COL13A1: variants seen among roughly 807,000 people sequenced by gnomAD.
The protein encoded by COL13A1 is collagen type XIII alpha 1 chain.
COL13A1 carries 89 observed loss-of-function variants against 130.9 expected under a neutral mutation model. That is an observed-to-expected ratio of 0.68 (90% CI 0.57 to 0.81). The LOEUF (loss-of-function observed/expected upper bound fraction) is 0.81, where lower values mean the gene tolerates loss of function less well. Ranked by LOEUF, COL13A1 falls within the 30% of genes least tolerant of loss-of-function variation. The probability of loss-of-function intolerance (pLI) is 0.00; values close to 1 mark genes in which losing one functional copy is unlikely to be tolerated. For missense variants in COL13A1, 879 were observed against 934.6 expected (o/e 0.94, Z 0.78); for synonymous variants, 402 against 341.6 (o/e 1.18, Z -1.95).
intron 1 of COL13A1, among the ~76,000 whole-genome samples, chr10:69,816,727 G>A (rs770570682): frequency 6.6e-6 from 1 of 152,144 alleles, no homozygotes; most frequent in African/African-American, 2.4e-5. Context: ...GAGGAAGAAG[G>A]GGGGTGAGCA....
intron 38 of COL13A1, among the ~76,000 whole-genome samples, chr10:69,951,464 A>C (rs2069553873): frequency 6.6e-6 from 1 of 152,096 alleles, no homozygotes; most frequent in Admixed American, 6.6e-5. Flanking sequence ...TCCTTGGCTC[A>C]AGTGATCTTT....
intron 27 of COL13A1, among the ~76,000 whole-genome samples, chr10:69,927,914 C>T (rs1436112567): frequency 1.3e-5 from 2 of 152,204 alleles, no homozygotes; most frequent in Admixed American, 6.5e-5. Flanking sequence ...AATCCCAGCA[C>T]TTTGAGACAC....
chr10:69,849,384 T>C (rs1172480442), intron 2 of COL13A1, among the ~76,000 whole-genome samples: 5 of 152,202 alleles, frequency 3.3e-5, no homozygotes, highest in Non-Finnish European at 7.4e-5. Flanking sequence ...CCCTGATCAC[T>C]TCCCACTGCC....
At chr10:69,933,849 C>A (rs3858162) in intron 31 of COL13A1, among the ~76,000 whole-genome samples, 1 of 152,130 alleles carries the variant, frequency 6.6e-6, no homozygotes, top group Admixed American at 6.5e-5. Flanking sequence ...GCACTTCCCT[C>A]GTGCCAAGCA....
chr10:69,947,249 T>C, intron 37 of COL13A1, 58 bp from the exon 38 acceptor site: 1 of 1,516,032 alleles, frequency 6.6e-7, no homozygotes, highest in Non-Finnish European at 9.2e-7. Flanking sequence ...AAGAAAGCAC[T>C]GTACAGCTGG....
intron 38 of COL13A1, among the ~76,000 whole-genome samples, chr10:69,948,289 T>C (rs1178298441): frequency 6.6e-6 from 1 of 152,216 alleles, no homozygotes. Context: ...ACCATGTTCA[T>C]GCACAGAAAG....
chr10:69,925,119 C>T, intron 25 of COL13A1, 112 bp downstream of exon 25: 1 of 1,120,300 alleles, frequency 8.9e-7, no homozygotes, highest in Non-Finnish European at 1.2e-6. Flanking sequence ...AGGTTAAGGG[C>T]ACGTGCCCAA....
intron 4 of COL13A1, among the ~76,000 whole-genome samples, chr10:69,872,752 G>A (rs547921853): frequency 8.5e-5 from 13 of 152,228 alleles, no homozygotes; most frequent in Non-Finnish European, 1.9e-4. Flanking sequence ...GCCAGGTACT[G>A]CATTTATCAT....
At position 69,888,329 on chromosome 10, in the gene COL13A1, C is replaced by T. The variant is rs775323799; in HGVS notation, c.575C>T (p.Pro192Leu). Residue 192 changes from proline (P) to leucine (L), a missense_variant and splice_region_variant, in exon 9 of 41, where the codon CCG becomes CTG. Pro to Leu is a moderately conservative substitution (Grantham distance 98). Around this residue, in one of 3 missense-constraint regions of COL13A1, gnomAD observed 715 missense variants for 721.0 expected, o/e 0.99. Transcript: ENST00000645393. ...FPGPIGLDGK[P>L]GHPGPKGDMG... ...GGTCCCATTGGGCTGGACGGCAAACCGGTAAGTGGACCCGCTCTCTCCCCT... is the reference window on the plus strand; with the variant it reads ...GGTCCCATTGGGCTGGACGGCAAACTGGTAAGTGGACCCGCTCTCTCCCCT... 2.2e-5 allele frequency: 36 copies of T among 1,612,586 alleles called. No homozygotes were observed. The highest frequency in any genetic ancestry group is 3.0e-5 in the Non-Finnish European group (35 of 1,179,392).
At chr10:69,953,828 T>G (rs2070094038) in intron 39 of COL13A1, 1 of 152,786 alleles carries the variant, frequency 6.5e-6, no homozygotes, top group Non-Finnish European at 1.5e-5. Context: ...ATTTAGCCCC[T>G]GTTTGTAGAT....
intron 1 of COL13A1, among the ~76,000 whole-genome samples, chr10:69,803,386 A>G (rs937471607): frequency 6.6e-6 from 1 of 152,226 alleles, no homozygotes; most frequent in Non-Finnish European, 1.5e-5. Context: ...AAGTAGATTA[A>G]ACACTACTAG....
chr10:69,920,972 A>T (rs1031653807), intron 21 of COL13A1, among the ~76,000 whole-genome samples: 2 of 152,182 alleles, frequency 1.3e-5, no homozygotes, highest in East Asian at 3.9e-4. Flanking sequence ...GTCATGGGGG[A>T]AAAAGAGTTC....
At chr10:69,940,930 T>C (rs994523060) in intron 34 of COL13A1, 58 bp from the exon 35 acceptor site, 2 of 1,612,868 alleles carry the variant, frequency 1.2e-6, no homozygotes, top group African/African-American at 1.3e-5. Flanking sequence ...TTGTTCCCTT[T>C]TTCTCCCTCC....
chr10:69,918,437 T>G (rs943826440), intron 19 of COL13A1, 120 bp downstream of exon 19: 22 of 938,458 alleles, frequency 2.3e-5, no homozygotes, highest in Non-Finnish European at 3.4e-5. Flanking sequence ...CATACAGGAT[T>G]TGGAAACATT....
In COL13A1 at chr10:69,878,024, A is replaced by T. The variant is rs1443447780; in HGVS notation, c.436-15A>T. 5.7e-6 allele frequency: 4 copies of T among 702,794 alleles called. No homozygotes were observed. The highest frequency in any genetic ancestry group is 7.8e-6 in the Non-Finnish European group (3 of 384,980). 43.5% of individuals were successfully genotyped at this position (702,794 alleles called of 1,614,324 possible). ...TTTCCCTTCCTGCACCCTGTGTTGC[A>T]TGTGGCTGCCCCAGGGAGTAAAGGG... On this transcript the variant is annotated splice_polypyrimidine_tract_variant and intron_variant, in intron 5 of 40. Coordinates refer to ENST00000645393, the MANE Select transcript of COL13A1 (RefSeq NM_001368882.1).
intron 2 of COL13A1, among the ~76,000 whole-genome samples, chr10:69,840,740 T>G (rs976014870): frequency 4.6e-5 from 7 of 152,008 alleles, no homozygotes; most frequent in Middle Eastern, 3.2e-3. Flanking sequence ...AAGAACAAAA[T>G]GAGGGGCCCT....
chr10:69,922,471 A>G (rs185704754), intron 22 of COL13A1, among the ~76,000 whole-genome samples: 207 of 152,354 alleles, frequency 1.4e-3, no homozygotes, highest in African/African-American at 4.6e-3. Flanking sequence ...ATACACTTTG[A>G]GAAACACGGC....
intron 1 of COL13A1, among the ~76,000 whole-genome samples, chr10:69,804,736 C>A (rs1350082371): frequency 2.2e-5 from 3 of 136,786 alleles, no homozygotes; most frequent in Non-Finnish European, 3.0e-5. Flanking sequence ...GTGGGAGACA[C>A]TTTTGCCCTC....
Position 69,936,136 on chromosome 10 carries a change from G to A in COL13A1, c.1771-620G>A, listed in dbSNP as rs1200826119. Reference sequence around the variant, plus strand: ...AGGAAGGAAGGAAGGAAAGAAGGAAGGAAGGAAGGAAGGAAGGAAGGAAGG... The same window carrying A: ...AGGAAGGAAGGAAGGAAAGAAGGAAAGAAGGAAGGAAGGAAGGAAGGAAGG... On this transcript the variant is annotated intron_variant, in intron 32 of 40. Transcript: ENST00000645393. 2.5e-3 allele frequency among the ~76,000 whole-genome samples: 7 copies of A among 2,822 alleles called. No homozygotes were observed. In the Non-Finnish European group the frequency reaches 0.046, roughly 19 times the overall value. 1.9% of individuals were successfully genotyped at this position (2,822 alleles called of 152,430 possible).
Sources: gnomAD v4.1 joint callset for allele counts (sites outside exome capture counted in the v4.1 genomes callset) on GRCh38, gnomAD v4.1.1 for gene constraint, gnomAD v4.1.1 regional missense constraint, MANE v1.5 for transcripts, NCBI Gene and HGNC (gene_info 2026-07-23, HGNC 2026-07-21) for gene names.